Variants in CEP120 observed in about 807,000 individuals in gnomAD.
The protein encoded by CEP120 is centrosomal protein 120.
CEP120 carries 113 observed loss-of-function variants against 126.5 expected under a neutral mutation model. The observed-to-expected ratio is 0.89, with a 90% CI of 0.77 to 1.04. The LOEUF (loss-of-function observed/expected upper bound fraction) is 1.04, where lower values mean the gene tolerates loss of function less well. CEP120 is among the 50% of genes least tolerant of loss of function. The probability of loss-of-function intolerance (pLI) is 0.00; values close to 1 mark genes in which losing one functional copy is unlikely to be tolerated. For missense variants in CEP120, 1,230 were observed against 1,155.7 expected, an observed-to-expected ratio of 1.06 and a Z score of -0.93; for synonymous variants, 400 against 394.3, an observed-to-expected ratio of 1.01 and a Z score of -0.17.
At chr5:123,387,738 C>T (rs1460933119) in intron 9 of CEP120, among the ~76,000 whole-genome samples, 2 of 152,050 alleles carry the variant, frequency 1.3e-5, no homozygotes, top group Non-Finnish European at 2.9e-5. Flanking sequence ...GAGATGCTAA[C>T]TACCCCAAAC....
intron 16 of CEP120, among the ~76,000 whole-genome samples, chr5:123,375,704 G>T (rs1771166568): frequency 6.6e-6 from 1 of 152,106 alleles, no homozygotes; most frequent in African/African-American, 2.4e-5. Context: ...AAGAGCCTTT[G>T]TTCTAGATGG....
At chr5:123,418,862 C>T (rs1016602720) in intron 1 of CEP120, among the ~76,000 whole-genome samples, 3 of 152,130 alleles carry the variant, frequency 2.0e-5, no homozygotes, top group African/African-American at 7.2e-5. Flanking sequence ...GGATTACAGG[C>T]ATGAGCCACC....
At chr5:123,414,985 A>G (rs944527646) in intron 3 of CEP120, among the ~76,000 whole-genome samples, 3 of 148,200 alleles carry the variant, frequency 2.0e-5, no homozygotes, top group African/African-American at 7.5e-5. Context: ...AAAAAAAAAA[A>G]AAAAAAAAAA....
rs748785905 is a variant in CEP120 at position 123,386,630 on chromosome 5, T to C, written c.1468A>G (p.Met490Val). ...YPFFGSAAPI[M>V]TNPPVEVRKN... Reference sequence around the variant, plus strand: ...CGAACTTCTACAGGAGGATTAGTCATAATAGGAGCTGCACTTCCAAAGAAT... The same window carrying C: ...CGAACTTCTACAGGAGGATTAGTCACAATAGGAGCTGCACTTCCAAAGAAT... The change falls in exon 10 of 20, where the codon ATG becomes GTG. Residue 490 changes from methionine to valine, a missense_variant. By Grantham distance (21) the Met-to-Val change is conservative (BLOSUM62 1). Coordinates refer to ENST00000306467, the MANE Select transcript of CEP120 (RefSeq NM_001375405.1). The C allele has an allele frequency of 2.0e-6, 3 of 1,509,064 alleles. No individual in the cohort carries two copies. The highest frequency in any genetic ancestry group is 2.4e-5 in the South Asian group (2 of 83,984). The allele number at this position is 1,509,064 out of a possible 1,614,324, so 93.5% of individuals were successfully genotyped here.
chr5:123,362,811 G>T (rs1770184492), intron 18 of CEP120, among the ~76,000 whole-genome samples: 2 of 151,512 alleles, frequency 1.3e-5, no homozygotes, highest in Admixed American at 6.6e-5. Flanking sequence ...CTATTTTTAA[G>T]CCCAATCATT....
chr5:123,375,013 G>A (rs1771111657), intron 16 of CEP120, among the ~76,000 whole-genome samples: 1 of 152,100 alleles, frequency 6.6e-6, no homozygotes, highest in Non-Finnish European at 1.5e-5. Flanking sequence ...CTCACTGACA[G>A]TGTAACTGTC....
At chr5:123,384,416 A>G (rs1771881718) in intron 11 of CEP120, among the ~76,000 whole-genome samples, 1 of 152,096 alleles carries the variant, frequency 6.6e-6, no homozygotes, top group Non-Finnish European at 1.5e-5. Context: ...TGTATTTAAA[A>G]TATGTTAAAA....
At chr5:123,386,441 A>C in intron 10 of CEP120, 77 bp downstream of exon 10, 1 of 1,069,660 alleles carries the variant, frequency 9.3e-7, no homozygotes, top group Non-Finnish European at 1.2e-6. Context: ...ACCTATAAGA[A>C]TTCCTTTTTA....
At chr5:123,385,958 T>C (rs1180187631) in intron 10 of CEP120, among the ~76,000 whole-genome samples, 1 of 152,182 alleles carries the variant, frequency 6.6e-6, no homozygotes, top group Non-Finnish European at 1.5e-5. Flanking sequence ...TCAAATGCTG[T>C]AATTCCCACA....
chr5:123,387,745 A>T (rs1419314280), intron 9 of CEP120, among the ~76,000 whole-genome samples: 1 of 152,144 alleles, frequency 6.6e-6, no homozygotes, highest in Non-Finnish European at 1.5e-5. Flanking sequence ...TAACTACCCC[A>T]AACTAAATAC....
intron 17 of CEP120, among the ~76,000 whole-genome samples, chr5:123,367,663 C>G (rs1408937507): frequency 1.3e-5 from 2 of 151,836 alleles, no homozygotes; most frequent in Non-Finnish European, 2.9e-5. Flanking sequence ...AGTGGAAACA[C>G]CTCTGATCCC....
Position 123,377,491 on chromosome 5 carries a change from G to C in CEP120, c.2241C>G (p.Asn747Lys), listed in dbSNP as rs758912912. The change falls in exon 16 of 20, where the codon AAC becomes AAG. Residue 747 changes from asparagine (N) to lysine (K), a missense_variant. By Grantham distance (94) the Asn-to-Lys change is moderately conservative (BLOSUM62 0). Transcript: ENST00000306467. Reference sequence around the variant, plus strand: ...GGATAGAGTCCTGCAGTTCTTGCAGGTTCCGCTGACGTTCTGATTGCAGTT... The same window carrying C: ...GGATAGAGTCCTGCAGTTCTTGCAGCTTCCGCTGACGTTCTGATTGCAGTT... ...KKELQSERQR[N>K]LQELQDSIRR... 1 of 1,598,926 alleles carries C rather than the reference G, an allele frequency of 6.3e-7. No homozygotes were observed. Among genetic ancestry groups the C allele is most frequent in the South Asian group, 1.1e-5 (1 of 87,192 alleles).
At chr5:123,409,546 G>A (rs1773902875) in intron 4 of CEP120, among the ~76,000 whole-genome samples, 1 of 152,138 alleles carries the variant, frequency 6.6e-6, no homozygotes, top group East Asian at 1.9e-4. Context: ...CCTTACTAAT[G>A]CAAAAGAAAA....
intron 4 of CEP120, among the ~76,000 whole-genome samples, chr5:123,410,198 C>G (rs2127121873): frequency 6.6e-6 from 1 of 152,088 alleles, no homozygotes; most frequent in East Asian, 1.9e-4. Flanking sequence ...TAAAAGAAAT[C>G]AAAGAACTAA....
chr5:123,373,369 A>G (rs1770981086), intron 16 of CEP120, among the ~76,000 whole-genome samples: 1 of 152,082 alleles, frequency 6.6e-6, no homozygotes, highest in African/African-American at 2.4e-5. Context: ...CATCAGCCCA[A>G]TTAATTAAAT....
In CEP120 at chr5:123,405,012, C is replaced by G. The variant is rs142491806; in HGVS notation, c.464-5728G>C. On this transcript the variant is annotated intron_variant, in intron 4 of 19. Coordinates refer to ENST00000306467, the MANE Select transcript of CEP120 (RefSeq NM_001375405.1). ...AAACATTGAAGAAGAAATATGCAGT[C>G]TGGCACATAGAGCTTAGAAATCTTC... Among the ~76,000 whole-genome samples, 339 of 152,324 alleles carry G rather than the reference C, an allele frequency of 2.2e-3. 3 individuals carry two copies. Among genetic ancestry groups the G allele is most frequent in the African/African-American group, 7.8e-3 (326 of 41,560 alleles).
At chr5:123,393,579 C>T (rs1772550008) in intron 5 of CEP120, 82 bp from the exon 6 acceptor site, 1 of 1,181,732 alleles carries the variant, frequency 8.5e-7, no homozygotes, top group Admixed American at 2.3e-5. Flanking sequence ...ATTCCAAAAA[C>T]ATTTGCTAAA....
At chr5:123,371,891 A>AT (rs1240269572) in intron 17 of CEP120, among the ~76,000 whole-genome samples, 1 of 152,066 alleles carries the variant, frequency 6.6e-6, no homozygotes, top group African/African-American at 2.4e-5. Flanking sequence ...TTTCCTATGT[A>AT]TTACCTGTGT....
intron 11 of CEP120, among the ~76,000 whole-genome samples, chr5:123,384,231 T>C (rs1205703262): frequency 1.3e-5 from 2 of 152,058 alleles, no homozygotes; most frequent in Non-Finnish European, 2.9e-5. Flanking sequence ...TGGCCATGAA[T>C]GGTGAGGAAT....
Sources: allele counts gnomAD v4.1 joint callset (sites outside exome capture counted in the v4.1 genomes callset), GRCh38; gene constraint gnomAD v4.1.1; transcripts MANE v1.5; gene names NCBI Gene and HGNC (gene_info 2026-07-23, HGNC 2026-07-21).